The following GRIK5 variants were observed in gnomAD, a reference collection of about 807,000 sequenced individuals.
GRIK5 encodes the protein glutamate receptor ionotropic, kainate 5.
Under a neutral mutation model 97.4 loss-of-function variants are expected in GRIK5, and 43 were observed. The observed-to-expected ratio is 0.44, with a 90% CI of 0.35 to 0.57. The LOEUF is 0.57. GRIK5 is among the 20% of genes least tolerant of loss of function. The pLI is 0.01. For missense variants in GRIK5, 1,015 were observed against 1,382.0 expected, an observed-to-expected ratio of 0.73 and a Z score of 4.21; for synonymous variants, 580 against 583.5, an observed-to-expected ratio of 0.99 and a Z score of 0.09.
At chr19:42,037,911 A>G (rs2075928733) in intron 12 of GRIK5, among the ~76,000 whole-genome samples, 1 of 152,190 alleles carries the variant, frequency 6.6e-6, no homozygotes, top group Non-Finnish European at 1.5e-5. Context: ...ACTGCAGCGC[A>G]GCTCAACTCC....
At chr19:42,066,437 C>A (rs2076333172) in intron 1 of GRIK5, among the ~76,000 whole-genome samples, 1 of 148,938 alleles carries the variant, frequency 6.7e-6, no homozygotes, top group African/African-American at 2.5e-5. Context: ...ACACACAGAA[C>A]CCCATAGATG....
At chr19:42,008,257 C>T (rs1054710634) in intron 15 of GRIK5, among the ~76,000 whole-genome samples, 6 of 152,076 alleles carry the variant, frequency 3.9e-5, no homozygotes, top group Admixed American at 2.0e-4. Context: ...CCTCAGGTGA[C>T]CTGCCCACCT....
intron 5 of GRIK5, among the ~76,000 whole-genome samples, chr19:42,060,772 C>T (rs1301246604): frequency 6.6e-6 from 1 of 151,948 alleles, no homozygotes; most frequent in Non-Finnish European, 1.5e-5. Context: ...CCCTCCTTCC[C>T]CTCCTCCAGG....
At position 42,056,783 on chromosome 19, in the gene GRIK5, G is replaced by A. The variant is rs192825138; in HGVS notation, c.782C>T (p.Ser261Phe). 76 of 1,614,140 alleles carry A rather than the reference G, an allele frequency of 4.7e-5. No homozygotes were observed. The Admixed American group carries it at 1.2e-3, about 27-fold the overall frequency. The part of the protein sequence containing the change: ...ILHLDGIVED[S>F]SNILGFSMFN... ...CATGGAGAAGCCCAGGATGTTGGAG[G>A]AGTCCTCCACAATACCGTCCAGATG... The change falls in exon 8 of 20, where the codon TCC (serine) becomes TTC (phenylalanine). Residue 261 changes from serine (S) to phenylalanine (F), a missense_variant. Physicochemically the swap from Ser to Phe is radical, Grantham distance 155 (BLOSUM62 -2). Transcript: ENST00000593562.
In GRIK5 at chr19:41,999,301, T is replaced by TG; in HGVS notation, c.2515-3dup. 1 of 1,512,474 alleles carries TG rather than the reference T, an allele frequency of 6.6e-7. No homozygotes were observed. The highest frequency in any genetic ancestry group is 8.8e-7 in the Non-Finnish European group (1 of 1,137,422). The allele number at this position is 1,512,474 out of a possible 1,614,324, so 93.7% of individuals were successfully genotyped here. A position where few individuals can be genotyped will look rare whatever the true frequency, so the allele number is the denominator to read the frequency against. On this transcript the variant is annotated splice_polypyrimidine_tract_variant and splice_region_variant and intron_variant, in intron 19 of 19. Transcript: ENST00000593562. This position sits in a 1 kb window ranked among gnomAD's most constrained non-coding sequence, Gnocchi z 5.0. Reference sequence around the variant, plus strand: ...CAGCATCTCCTGGCACACCGACACCTGGGGGTGGCGCGGGCGGTCACCGTC... The same window carrying TG: ...CAGCATCTCCTGGCACACCGACACCTGGGGGGTGGCGCGGGCGGTCACCGTC...
At position 42,042,491 on chromosome 19, in the gene GRIK5, C is replaced by T. The variant is rs1360262318; in HGVS notation, c.1473+61G>A. 53 of 1,462,334 alleles carry T rather than the reference C, an allele frequency of 3.6e-5. No individual in the cohort carries two copies. The highest frequency in any genetic ancestry group is 5.0e-5 in the Non-Finnish European group (53 of 1,069,854). 90.6% of individuals were successfully genotyped at this position (1,462,334 alleles called of 1,614,324 possible). On this transcript the variant is annotated intron_variant, in intron 12 of 19. Coordinates refer to ENST00000593562, the MANE Select transcript of GRIK5 (RefSeq NM_002088.5). This position sits in a 1 kb window ranked among gnomAD's most constrained non-coding sequence, Gnocchi z 6.9. ...TTCTGAGGTTCGACTGGCTGCCCAG[C>T]TGCCCGCCCTCCCTCACTCGCCGGG...
At position 42,056,692 on chromosome 19, in the gene GRIK5, G is replaced by A. The variant is rs1232354280; in HGVS notation, c.873C>T (p.Asn291=). The part of the protein sequence containing the change: ...VRSLNMSWRE[N]CEASTYLGPA... ...GGCCCAGGTAGGTGCTGGCTTCACA[G>A]TTCTCCCTCCAGGACATGTTGAGGC... Residue 291 remains asparagine, a synonymous_variant, in exon 8 of 20, where the codon AAC becomes AAT. Transcript: ENST00000593562. 4 of 1,613,970 alleles carry A rather than the reference G, an allele frequency of 2.5e-6. No homozygotes were observed. Among genetic ancestry groups the A allele is most frequent in the East Asian group, 2.2e-5 (1 of 44,898 alleles).
rs782043715 is a variant in GRIK5 at position 42,005,901 on chromosome 19, C to G, written c.2085G>C (p.Ser695=). 1 of 1,608,394 alleles carries G rather than the reference C, an allele frequency of 6.2e-7. No homozygotes were observed. The highest frequency in any genetic ancestry group is 8.5e-7 in the Non-Finnish European group (1 of 1,176,114). The change falls in exon 17 of 20, where the codon TCG becomes TCC. Residue 695 remains serine, a synonymous_variant. Coordinates refer to ENST00000593562, the MANE Select transcript of GRIK5 (RefSeq NM_002088.5). The part of the protein sequence containing the change: ...TYQRMWNYMQ[S]KQPSVFVKST... ...TCTTGACGAACACGCTGGGCTGCTT[C>G]GACTGCATGTAGTTCCACATGCGCT... is the stretch of plus-strand genomic sequence containing the variant.
intron 15 of GRIK5, among the ~76,000 whole-genome samples, chr19:42,018,685 G>T (rs1458076596): frequency 1.6e-5 from 1 of 60,748 alleles, no homozygotes; most frequent in East Asian, 6.4e-4. Flanking sequence ...GGGGGGGGGG[G>T]GGAGGAAAAG....
chr19:42,002,616 G>T lies in GRIK5; in HGVS notation c.2514+716C>A. ...AGGAAGGGCTGGAGGCTGACAGAGA[G>T]AGGGGAAGCAGGGAACCAGCAGTCC... On this transcript the variant is annotated intron_variant, in intron 19 of 19. Coordinates refer to ENST00000593562, the MANE Select transcript of GRIK5 (RefSeq NM_002088.5). This position sits in a 1 kb window ranked among gnomAD's most constrained non-coding sequence, Gnocchi z 5.2. 1.6e-6 allele frequency: 1 copy of T among 628,694 alleles called. No homozygotes were observed. The allele number at this position is 628,694 out of a possible 1,614,324, so 38.9% of individuals were successfully genotyped here. A position where few individuals can be genotyped will look rare whatever the true frequency, so the allele number is the denominator to read the frequency against.
At chr19:42,001,141 A>G (rs1472833459) in intron 19 of GRIK5, among the ~76,000 whole-genome samples, 2 of 152,208 alleles carry the variant, frequency 1.3e-5, no homozygotes, top group Non-Finnish European at 2.9e-5. Context: ...GACAGCCCCT[A>G]TAGCCCAGAG....
chr19:42,069,119 G>A (rs1444729728), intron 1 of GRIK5, 122 bp downstream of exon 1: 2 of 423,858 alleles, frequency 4.7e-6, no homozygotes, highest in South Asian at 6.7e-5. Context: ...GGCCCCTAGT[G>A]GGGGAGGGTA....
rs1199531062 is a variant in GRIK5 at position 42,022,898 on chromosome 19, G to C, written c.1474-544C>G. 1.3e-5 allele frequency among the ~76,000 whole-genome samples: 2 copies of C among 152,054 alleles called. No individual in the cohort carries two copies. The highest frequency in any genetic ancestry group is 1.9e-4 in the East Asian group (1 of 5,166). On this transcript the variant is annotated intron_variant, in intron 12 of 19. Coordinates refer to ENST00000593562, the MANE Select transcript of GRIK5 (RefSeq NM_002088.5). The surrounding 1 kb of genome is among the most constrained non-coding windows in gnomAD (Gnocchi z 4.2). ...GGAGATAGGGCACAAGCCCCAAACA[G>C]CATCCTGGTCAGGAGACGACACTGG...
intron 6 of GRIK5, among the ~76,000 whole-genome samples, chr19:42,058,146 C>T (rs941358943): frequency 9.9e-5 from 15 of 152,130 alleles, no homozygotes; most frequent in Non-Finnish European, 1.6e-4. Context: ...ACACTTCCTG[C>T]GGGCTACAGT....
intron 1 of GRIK5, chr19:42,068,412 A>C: frequency 2.4e-5 from 6 of 252,126 alleles, no homozygotes; most frequent in Non-Finnish European, 3.8e-5. Flanking sequence ...GGGAGAGAGA[A>C]TGGGAGTGGA....
At chr19:42,040,580 G>A (rs537194901) in intron 12 of GRIK5, among the ~76,000 whole-genome samples, 6 of 152,248 alleles carry the variant, frequency 3.9e-5, no homozygotes, top group African/African-American at 1.4e-4. Context: ...ACCCTGGGCT[G>A]GGTGTGGTGT....
chr19:42,063,116 GAA>G (rs1017758196), intron 3 of GRIK5, among the ~76,000 whole-genome samples: 2 of 152,190 alleles, frequency 1.3e-5, no homozygotes, highest in Admixed American at 1.3e-4. Context: ...GGGATGAAGA[GAA>G]AGAGACACCA....
chr19:42,049,671 G>C (rs2076087402), intron 11 of GRIK5, among the ~76,000 whole-genome samples: 1 of 152,160 alleles, frequency 6.6e-6, no homozygotes, highest in East Asian at 1.9e-4. Flanking sequence ...CAGCTGGTTG[G>C]TTACACAGGT....
chr19:42,019,301 GGAC>G (rs940885576), intron 15 of GRIK5, among the ~76,000 whole-genome samples: 1 of 152,076 alleles, frequency 6.6e-6, no homozygotes, highest in African/African-American at 2.4e-5. Flanking sequence ...TCCTTGGCAT[GGAC>G]GACTCTGTTT....
Sources: allele counts gnomAD v4.1 joint callset (sites outside exome capture counted in the v4.1 genomes callset), GRCh38; gene constraint gnomAD v4.1.1; non-coding constraint Gnocchi (gnomAD v3.1); transcripts MANE v1.5; gene names NCBI Gene and HGNC (gene_info 2026-07-23, HGNC 2026-07-21).